CREB5: variants seen among roughly 807,000 people sequenced by gnomAD.
The protein encoded by CREB5 is cyclic AMP-responsive element-binding protein 5.
A neutral mutation model predicts 57.1 loss-of-function variants in CREB5; 19 were observed. The observed-to-expected ratio is 0.33, with a 90% CI of 0.23 to 0.49. CREB5 has a LOEUF of 0.49. Among genes scored for constraint, CREB5 ranks in the 20% least tolerant of loss-of-function variants. The pLI is 0.99. For missense variants in CREB5, 579 were observed against 671.6 expected (o/e 0.86, Z 1.52); for synonymous variants, 238 against 238.3 (o/e 1.00, Z 0.01).
At chr7:28,517,189 A>G (rs957858096) in intron 4 of CREB5, among the ~76,000 whole-genome samples, 1 of 152,246 alleles carries the variant, frequency 6.6e-6, no homozygotes, top group African/African-American at 2.4e-5. Flanking sequence ...AGAGACGTGA[A>G]AAAAACTGAC....
chr7:28,528,272 G>T (rs779452091), intron 4 of CREB5, among the ~76,000 whole-genome samples: 2 of 152,138 alleles, frequency 1.3e-5, no homozygotes, highest in African/African-American at 4.8e-5. Context: ...TCACTGAGTC[G>T]GCATTAATTG....
At chr7:28,370,260 A>G (rs1017930612) in intron 1 of CREB5, among the ~76,000 whole-genome samples, 1 of 152,228 alleles carries the variant, frequency 6.6e-6, no homozygotes, top group African/African-American at 2.4e-5. Flanking sequence ...GGTATCCTGA[A>G]GCCAGGCCTC....
At chr7:28,796,684 T>C (rs1808062637) in intron 7 of CREB5, among the ~76,000 whole-genome samples, 1 of 152,240 alleles carries the variant, frequency 6.6e-6, no homozygotes. Flanking sequence ...TTCTTTGTTT[T>C]AGACATTCAC....
At chr7:28,421,841 C>T (rs1236288102) in intron 1 of CREB5, among the ~76,000 whole-genome samples, 3 of 24,658 alleles carry the variant, frequency 1.2e-4, no homozygotes, top group East Asian at 9.3e-3. Flanking sequence ...TATACACACA[C>T]ACACACTCTC....
chr7:28,444,483 A>G (rs1789337816), intron 1 of CREB5, among the ~76,000 whole-genome samples: 1 of 152,168 alleles, frequency 6.6e-6, no homozygotes, highest in Non-Finnish European at 1.5e-5. Context: ...CCTACCTTTG[A>G]ACTGTCGTGG....
chr7:28,692,589 A>G (rs895719155), intron 5 of CREB5, among the ~76,000 whole-genome samples: 3 of 152,228 alleles, frequency 2.0e-5, no homozygotes, highest in Admixed American at 2.0e-4. Context: ...CACAGTTTCT[A>G]TCTTCTCTGT....
intron 7 of CREB5, among the ~76,000 whole-genome samples, chr7:28,802,904 T>C (rs1443730338): frequency 6.6e-6 from 1 of 152,390 alleles, no homozygotes; most frequent in Middle Eastern, 3.4e-3. Flanking sequence ...AAAAATTATA[T>C]GAAATTCAGA....
At chr7:28,333,385 T>C (rs1257905256) in intron 1 of CREB5, among the ~76,000 whole-genome samples, 2 of 152,238 alleles carry the variant, frequency 1.3e-5, no homozygotes, top group Non-Finnish European at 2.9e-5. Flanking sequence ...CATTTATCCT[T>C]TGTGTTAAAA....
chr7:28,692,457 C>A (rs750508796), intron 5 of CREB5, among the ~76,000 whole-genome samples: 1 of 152,152 alleles, frequency 6.6e-6, no homozygotes, highest in Non-Finnish European at 1.5e-5. Flanking sequence ...ATCTACTAAT[C>A]AGAGAAGCAG....
chr7:28,734,881 C>A (rs75222629), intron 7 of CREB5, among the ~76,000 whole-genome samples: 1 of 151,838 alleles, frequency 6.6e-6, no homozygotes, highest in African/African-American at 2.4e-5. Flanking sequence ...ATTTTTTGGC[C>A]GCTTGATTTT....
intron 1 of CREB5, among the ~76,000 whole-genome samples, chr7:28,421,196 A>G (rs1788232494): frequency 1.3e-5 from 2 of 152,030 alleles, no homozygotes; most frequent in Non-Finnish European, 2.9e-5. Flanking sequence ...GTCTGCCTTT[A>G]CATACCCCAT....
At chr7:28,663,786 T>G (rs980725211) in intron 5 of CREB5, among the ~76,000 whole-genome samples, 3 of 152,372 alleles carry the variant, frequency 2.0e-5, no homozygotes, top group African/African-American at 7.2e-5. Context: ...TGTGTTAATT[T>G]ATTCTTTCCC....
At chr7:28,476,075 G>A (rs1174936053) in intron 1 of CREB5, among the ~76,000 whole-genome samples, 1 of 152,162 alleles carries the variant, frequency 6.6e-6, no homozygotes, top group Non-Finnish European at 1.5e-5. Context: ...CAAACGAACA[G>A]ACCAAACCTA....
At chr7:28,405,354 TGAG>T (rs1562694290) in intron 1 of CREB5, among the ~76,000 whole-genome samples, 1 of 152,324 alleles carries the variant, frequency 6.6e-6, no homozygotes, top group East Asian at 1.9e-4. Flanking sequence ...GCAGAAGGGA[TGAG>T]GAGAAGCCTT....
At chr7:28,531,921 C>T (rs969789392) in intron 4 of CREB5, among the ~76,000 whole-genome samples, 2 of 151,976 alleles carry the variant, frequency 1.3e-5, no homozygotes, top group South Asian at 2.1e-4. Flanking sequence ...CCCAGCTACT[C>T]GGGAGGCTGA....
chr7:28,746,557 G>C (rs1040606474), intron 7 of CREB5, among the ~76,000 whole-genome samples: 1 of 152,158 alleles, frequency 6.6e-6, no homozygotes, highest in Non-Finnish European at 1.5e-5. Flanking sequence ...AGGAACTAAT[G>C]AACCTTAAGA....
At chr7:28,718,961 G>T in intron 6 of CREB5, 82 bp downstream of exon 6, 2 of 1,586,540 alleles carry the variant, frequency 1.3e-6, no homozygotes, top group South Asian at 1.1e-5. Flanking sequence ...GAAACTCTGA[G>T]ATCCAAGCTG....
intron 5 of CREB5, among the ~76,000 whole-genome samples, chr7:28,574,462 C>T (rs77388341): frequency 0.019 from 2,826 of 152,218 alleles, 98 homozygotes; most frequent in African/African-American, 0.065. Context: ...GTCAATAATC[C>T]GTTGAGTAGA....
At chr7:28,477,663 G>A (rs1167509854) in intron 1 of CREB5, among the ~76,000 whole-genome samples, 1 of 152,212 alleles carries the variant, frequency 6.6e-6, no homozygotes, top group East Asian at 1.9e-4. Context: ...CTCGTGGGTG[G>A]TGGGGTTCAA....
Sources: gnomAD v4.1 joint callset for allele counts (sites outside exome capture counted in the v4.1 genomes callset) on GRCh38, gnomAD v4.1.1 for gene constraint, MANE v1.5 for transcripts, NCBI Gene and HGNC (gene_info 2026-07-23, HGNC 2026-07-21) for gene names.